Variants in LRRC4C observed in about 807,000 individuals in gnomAD.
LRRC4C encodes leucine rich repeat containing 4C.
Under a neutral mutation model 33.6 loss-of-function variants are expected in LRRC4C, and 5 were observed. The ratio of observed to expected loss-of-function variants is 0.15; its 90% CI spans 0.08 to 0.31. LRRC4C has a LOEUF of 0.31. Ranked by LOEUF, LRRC4C falls within the 10% of genes least tolerant of loss-of-function variation. The pLI, the probability that LRRC4C is intolerant of heterozygous loss-of-function variation, is 1.00. For missense variants in LRRC4C, 560 were observed against 796.7 expected (o/e 0.70, Z 3.58); for synonymous variants, 329 against 302.0 (o/e 1.09, Z -0.93).
chr11:41,132,672 C>T (rs1274791643), intron 1 of LRRC4C, among the ~76,000 whole-genome samples: 1 of 151,948 alleles, frequency 6.6e-6, no homozygotes, highest in East Asian at 1.9e-4. Flanking sequence ...TTGTTTTGTT[C>T]AAATTTTCTA....
chr11:40,449,882 G>C (rs929057785), intron 3 of LRRC4C, among the ~76,000 whole-genome samples: 1 of 152,168 alleles, frequency 6.6e-6, no homozygotes. Flanking sequence ...ATATTTTCAG[G>C]TAAGGGGAAA....
chr11:40,311,669 G>A (rs1025283370), intron 4 of LRRC4C, among the ~76,000 whole-genome samples: 4 of 152,052 alleles, frequency 2.6e-5, no homozygotes, highest in Non-Finnish European at 5.9e-5. Context: ...TTTTCTGACC[G>A]GGCACGGTGG....
intron 2 of LRRC4C, among the ~76,000 whole-genome samples, chr11:40,744,516 A>T (rs957064709): frequency 4.6e-5 from 7 of 152,182 alleles, no homozygotes; most frequent in African/African-American, 1.7e-4. Context: ...TAATGTGATC[A>T]TTCGAACAAT....
intron 2 of LRRC4C, among the ~76,000 whole-genome samples, chr11:40,854,922 T>C (rs1336880243): frequency 1.3e-5 from 2 of 152,070 alleles, no homozygotes; most frequent in Non-Finnish European, 2.9e-5. Context: ...AGAGCTAAAT[T>C]GGCCAAATAT....
intron 1 of LRRC4C, among the ~76,000 whole-genome samples, chr11:41,123,185 G>A (rs1942533627): frequency 1.3e-5 from 2 of 150,700 alleles, no homozygotes; most frequent in South Asian, 2.1e-4. Context: ...AAATTCCCTG[G>A]TCAGTGAGTC....
At chr11:41,065,616 A>G (rs1938173452) in intron 1 of LRRC4C, among the ~76,000 whole-genome samples, 1 of 152,180 alleles carries the variant, frequency 6.6e-6, no homozygotes, top group South Asian at 2.1e-4. Context: ...GCCTCCTGAC[A>G]AGGAGAGGCC....
intron 3 of LRRC4C, among the ~76,000 whole-genome samples, chr11:40,341,594 G>A (rs1290179987): frequency 2.0e-5 from 3 of 152,010 alleles, no homozygotes; most frequent in East Asian, 1.9e-4. Flanking sequence ...GTTAAATGAC[G>A]AGTTAATGGG....
chr11:40,387,765 C>T (rs1350634448), intron 3 of LRRC4C, among the ~76,000 whole-genome samples: 3 of 152,142 alleles, frequency 2.0e-5, no homozygotes, highest in Non-Finnish European at 4.4e-5. Flanking sequence ...TCTCTTTTTA[C>T]CTCAGTTACT....
At chr11:41,192,457 A>T (rs1946000115) in intron 1 of LRRC4C, among the ~76,000 whole-genome samples, 1 of 152,046 alleles carries the variant, frequency 6.6e-6, no homozygotes, top group Admixed American at 6.6e-5. Flanking sequence ...ACACACACAC[A>T]CACATACACA....
chr11:40,915,777 A>T (rs1002787156), intron 2 of LRRC4C, among the ~76,000 whole-genome samples: 2 of 152,162 alleles, frequency 1.3e-5, no homozygotes, highest in African/African-American at 2.4e-5. Flanking sequence ...GAATGGGAGA[A>T]AATTTTTGCA....
chr11:41,259,326 T>C (rs1948902021), intron 1 of LRRC4C, among the ~76,000 whole-genome samples: 2 of 152,060 alleles, frequency 1.3e-5, no homozygotes, highest in Non-Finnish European at 2.9e-5. Flanking sequence ...ACTTTTTAAT[T>C]TCCTGGTAGA....
At position 40,861,671 on chromosome 11, in the gene LRRC4C, G is replaced by A. The variant is rs115226250; in HGVS notation, c.-407+71964C>T. Among the ~76,000 whole-genome samples the A allele has an allele frequency of 9.4e-3, 1,430 of 152,292 alleles. 25 individuals are homozygous for A. The highest frequency in any genetic ancestry group is 0.033 in the African/African-American group (1,363 of 41,558). ...TTGTGTTAGTTTGTTACGCATTGCT[G>A]TAAAGGAATACCCAAGGCTGGGTAA... On this transcript the variant is annotated intron_variant, in intron 2 of 6. Transcript: ENST00000528697.
At chr11:41,285,184 T>C (rs142920776) in intron 1 of LRRC4C, among the ~76,000 whole-genome samples, 96 of 152,302 alleles carry the variant, frequency 6.3e-4, no homozygotes, top group African/African-American at 2.2e-3. Flanking sequence ...TCTATCTTTC[T>C]ATCCACACAT....
intron 1 of LRRC4C, among the ~76,000 whole-genome samples, chr11:41,125,073 C>T (rs904116272): frequency 5.9e-5 from 9 of 151,988 alleles, no homozygotes; most frequent in African/African-American, 2.2e-4. Flanking sequence ...CTCAAGGACA[C>T]AAGGAAAACA....
chr11:41,054,984 G>T (rs376430256), intron 1 of LRRC4C, among the ~76,000 whole-genome samples: 1 of 152,076 alleles, frequency 6.6e-6, no homozygotes, highest in African/African-American at 2.4e-5. Context: ...AATAATAAGT[G>T]TACAGCTTGG....
intron 2 of LRRC4C, among the ~76,000 whole-genome samples, chr11:40,787,551 G>T (rs1950461907): frequency 3.3e-5 from 5 of 152,082 alleles, no homozygotes; most frequent in Admixed American, 3.3e-4. Context: ...AAATGCTAAT[G>T]GCATACTCTC....
At chr11:40,744,880 G>T (rs1948339397) in intron 2 of LRRC4C, among the ~76,000 whole-genome samples, 1 of 152,122 alleles carries the variant, frequency 6.6e-6, no homozygotes, top group Non-Finnish European at 1.5e-5. Context: ...TGAGGGAAAT[G>T]ACTTAGAATA....
chr11:40,346,665 AT>A (rs1222962510), intron 3 of LRRC4C, among the ~76,000 whole-genome samples: 29 of 152,192 alleles, frequency 1.9e-4, no homozygotes, highest in African/African-American at 7.0e-4. Flanking sequence ...AAGTTTACCT[AT>A]GTAACAAACC....
chr11:41,034,430 C>CT (rs1856911558), intron 1 of LRRC4C, among the ~76,000 whole-genome samples: 1 of 67,334 alleles, frequency 1.5e-5, no homozygotes, highest in African/African-American at 5.3e-5. Context: ...TATGAACAAT[C>CT]CAAACACACA....
Sources: allele counts gnomAD v4.1 joint callset (sites outside exome capture counted in the v4.1 genomes callset), GRCh38; gene constraint gnomAD v4.1.1; transcripts MANE v1.5; gene names NCBI Gene and HGNC (gene_info 2026-07-23, HGNC 2026-07-21).